The following CFAP54 variants were observed in gnomAD, a reference collection of about 807,000 sequenced individuals.
CFAP54 encodes cilia and flagella associated protein 54.
In CFAP54, 290 loss-of-function variants were observed where a neutral mutation model predicts 370.4. The observed-to-expected ratio is 0.78, with a 90% confidence interval of 0.71 to 0.86. The LOEUF (loss-of-function observed/expected upper bound fraction) is 0.86. Among genes scored for constraint, CFAP54 ranks in the 40% least tolerant of loss-of-function variants. CFAP54 has a pLI of 0.00. For synonymous variants in CFAP54, 1,206 were observed against 1,236.5 expected (o/e 0.98, Z 0.52); for missense variants, 3,399 against 3,528.7 (o/e 0.96, Z 0.93).
intron 9 of CFAP54, among the ~76,000 whole-genome samples, chr12:96,532,795 A>G (rs1157680539): frequency 6.6e-6 from 1 of 151,824 alleles, no homozygotes; most frequent in Non-Finnish European, 1.5e-5. Context: ...TAATTTTTGT[A>G]TTTTTTGTAG....
rs116064066 is a variant in CFAP54, at chr12:96,856,837, C to T, written c.9172-3982C>T. On this transcript the variant is annotated intron_variant, in intron 66 of 67. Coordinates refer to ENST00000524981, the MANE Select transcript of CFAP54 (RefSeq NM_001306084.2). Reference sequence around the variant, plus strand: ...AAGTCATTTCCACATTTTCAGGTATCTTTACAACAGTACCCCACTTCTGTT... The same window carrying T: ...AAGTCATTTCCACATTTTCAGGTATTTTTACAACAGTACCCCACTTCTGTT... 8.7e-3 allele frequency among the ~76,000 whole-genome samples: 1,323 copies of T among 152,302 alleles called. 23 individuals carry two copies. Among genetic ancestry groups the T allele is most frequent in the African/African-American group, 0.028 (1,154 of 41,550 alleles).
At chr12:96,638,155 A>C (rs9888369) in intron 32 of CFAP54, among the ~76,000 whole-genome samples, 67,255 of 149,732 alleles carry the variant, frequency 0.45, 15,321 homozygotes, top group Admixed American at 0.52. Flanking sequence ...ATAAACATTT[A>C]AGTTTTCTTC....
At chr12:96,725,108 G>C (rs368685529) in intron 50 of CFAP54, among the ~76,000 whole-genome samples, 1 of 152,096 alleles carries the variant, frequency 6.6e-6, no homozygotes, top group Non-Finnish European at 1.5e-5. Context: ...GTCAGGTAGC[G>C]TGATGCCTCC....
intron 26 of CFAP54, among the ~76,000 whole-genome samples, chr12:96,604,246 C>G (rs1956276743): frequency 6.6e-6 from 1 of 152,202 alleles, no homozygotes; most frequent in Non-Finnish European, 1.5e-5. Flanking sequence ...TGGAGGTCCA[C>G]TCCAGACCCT....
chr12:96,651,666 C>T lies in CFAP54; in HGVS notation c.4951C>T (p.Gln1651Ter). The T allele has an allele frequency of 1.2e-6, 2 of 1,614,176 alleles. No individual in the cohort carries two copies. The highest frequency in any genetic ancestry group is 1.7e-6 in the Non-Finnish European group (2 of 1,180,020). ...RALWNFTQEL[Q>*]ILLKQAVDLD... Reference sequence around the variant, plus strand: ...CTTATGGAACTTTACTCAGGAACTACAAATACTTCTTAAACAGGCAGTGGA... The same window carrying T: ...CTTATGGAACTTTACTCAGGAACTATAAATACTTCTTAAACAGGCAGTGGA... The change falls in exon 36 of 68, where the codon CAA (glutamine) becomes TAA (stop). Residue 1651 changes from glutamine (Q) to a stop codon, truncating the protein, a stop_gained. Transcript: ENST00000524981. LOFTEE classifies it high-confidence loss of function.
chr12:96,622,961 T>C (rs1319990880), intron 27 of CFAP54, among the ~76,000 whole-genome samples: 1 of 152,164 alleles, frequency 6.6e-6, no homozygotes, highest in Non-Finnish European at 1.5e-5. Context: ...TTTGTTTTTG[T>C]GCCATGCAGT....
chr12:96,684,811 AC>A, intron 41 of CFAP54, 76 bp downstream of exon 41: 1 of 1,280,478 alleles, frequency 7.8e-7, no homozygotes, highest in Non-Finnish European at 1.1e-6. Flanking sequence ...TAATGAAAAA[AC>A]ATTGTCTTTC....
intron 3 of CFAP54, among the ~76,000 whole-genome samples, chr12:96,504,820 G>C (rs1955073709): frequency 1.3e-5 from 2 of 152,124 alleles, no homozygotes. Context: ...AATACTGGGC[G>C]ATGTAGGTTG....
intron 50 of CFAP54, among the ~76,000 whole-genome samples, chr12:96,730,735 C>T (rs986762417): frequency 2.6e-5 from 4 of 152,076 alleles, no homozygotes; most frequent in Non-Finnish European, 5.9e-5. Flanking sequence ...AGGAGAATCC[C>T]ACTTATATGT....
At chr12:96,658,871 C>T (rs565570179) in intron 38 of CFAP54, among the ~76,000 whole-genome samples, 1 of 152,092 alleles carries the variant, frequency 6.6e-6, no homozygotes, top group Admixed American at 6.5e-5. Context: ...GAGCAAAACT[C>T]GTAAAGACAG....
At chr12:96,701,670 C>A (rs1420646) in intron 46 of CFAP54, among the ~76,000 whole-genome samples, 132,507 of 152,090 alleles carry the variant, frequency 0.87, 58,102 homozygotes, top group African/African-American at 0.96. Context: ...ATCTGAGGGA[C>A]CAACCTTCCA....
chr12:96,689,842 A>T (rs1193003933), intron 43 of CFAP54, among the ~76,000 whole-genome samples: 5 of 152,156 alleles, frequency 3.3e-5, no homozygotes, highest in African/African-American at 1.2e-4. Flanking sequence ...TTTACTTTGA[A>T]GGATGGGCAC....
intron 63 of CFAP54, among the ~76,000 whole-genome samples, chr12:96,803,048 G>A (rs575291770): frequency 9.2e-5 from 14 of 152,232 alleles, no homozygotes; most frequent in African/African-American, 3.1e-4. Context: ...TGGTGTATAT[G>A]TGCCACATTT....
intron 63 of CFAP54, among the ~76,000 whole-genome samples, chr12:96,805,131 A>G (rs915324207): frequency 6.6e-6 from 1 of 152,116 alleles, no homozygotes; most frequent in Non-Finnish European, 1.5e-5. Flanking sequence ...TGAAATTATT[A>G]AAAAAATCCA....
At chr12:96,761,643 T>C (rs1030698082) in intron 58 of CFAP54, among the ~76,000 whole-genome samples, 1 of 152,204 alleles carries the variant, frequency 6.6e-6, no homozygotes, top group Non-Finnish European at 1.5e-5. Context: ...GTGATCCATT[T>C]TGAGTTAATA....
intron 55 of CFAP54, among the ~76,000 whole-genome samples, chr12:96,752,928 G>A (rs1477912461): frequency 2.0e-5 from 3 of 152,156 alleles, no homozygotes; most frequent in Non-Finnish European, 4.4e-5. Context: ...AAACCTCACT[G>A]AGCTACTGCT....
chr12:96,828,507 T>C (rs1028826382), intron 65 of CFAP54, among the ~76,000 whole-genome samples: 3 of 152,180 alleles, frequency 2.0e-5, no homozygotes, highest in African/African-American at 7.2e-5. Context: ...CTTCTGTTGT[T>C]CTTCCTTACA....
chr12:96,696,161 G>C (rs1187509642), intron 45 of CFAP54, among the ~76,000 whole-genome samples: 1 of 152,154 alleles, frequency 6.6e-6, no homozygotes, highest in African/African-American at 2.4e-5. Context: ...ATATTGACTT[G>C]TTTAGGGGGT....
In CFAP54 at chr12:96,623,794, A is replaced by T. The variant is rs548803591; in HGVS notation, c.3799A>T (p.Lys1267Ter). The T allele has an allele frequency of 6.5e-7, 1 of 1,534,556 alleles. No homozygotes were observed. The highest frequency in any genetic ancestry group is 1.4e-5 in the African/African-American group (1 of 73,132). Residue 1267 changes from lysine (K) to a stop codon, truncating the protein, a stop_gained, in exon 28 of 68, where the codon AAG becomes TAG. Coordinates refer to ENST00000524981, the MANE Select transcript of CFAP54 (RefSeq NM_001306084.2). LOFTEE classifies it high-confidence loss of function. Reference protein sequence around the residue: ...EDSSKKSLKTKKPQQILLPEK... With the variant: ...EDSSKKSLKT ...TTCTTCTAAGAAGTCTTTAAAGACT[A>T]AGAAGCCACAGCAGATACTACTGCC...
Sources: allele counts gnomAD v4.1 joint callset (sites outside exome capture counted in the v4.1 genomes callset), GRCh38; gene constraint gnomAD v4.1.1; transcripts MANE v1.5; gene names NCBI Gene and HGNC (gene_info 2026-07-23, HGNC 2026-07-21).